The following PLS3 variants were observed in gnomAD, a reference collection of about 807,000 sequenced individuals.
PLS3 encodes the protein plastin 3.
A neutral mutation model predicts 46.5 loss-of-function variants in PLS3; 11 were observed. The observed-to-expected ratio is 0.24, with a 90% CI of 0.15 to 0.39. PLS3 has a LOEUF of 0.39. Ranked by LOEUF, PLS3 falls within the 10% of genes least tolerant of loss-of-function variation. The probability of loss-of-function intolerance (pLI) is 1.00; values close to 1 mark genes in which losing one functional copy is unlikely to be tolerated. For synonymous variants in PLS3, 167 were observed against 162.2 expected (o/e 1.03, Z -0.22); for missense variants, 308 against 461.8 (o/e 0.67, Z 3.05).
At position 115,645,009 on chromosome X, in the gene PLS3, T is replaced by G; in HGVS notation, c.1184-12T>G. 8.9e-7 allele frequency: 1 copy of G among 1,125,972 alleles called. No individual in the cohort carries two copies. Among genetic ancestry groups the G allele is most frequent in the Non-Finnish European group, 1.2e-6 (1 of 818,361 alleles). 92.8% of individuals were successfully genotyped at this position (1,125,972 alleles called of 1,213,427 possible). On this transcript the variant is annotated splice_polypyrimidine_tract_variant and intron_variant, in intron 10 of 15. Transcript: ENST00000355899. ...TTAATGAATCAGTAAATTTTGTGAATATTCTTAACAGGAGAAACTCGTGAA... is the reference window on the plus strand; with the variant it reads ...TTAATGAATCAGTAAATTTTGTGAAGATTCTTAACAGGAGAAACTCGTGAA...
At chrX:115,612,744 ACT>A (rs1556636275) in intron 2 of PLS3, among the ~76,000 whole-genome samples, 1 of 109,326 alleles carries the variant, frequency 9.1e-6, no homozygotes, top group Non-Finnish European at 1.9e-5. Flanking sequence ...GTGCTTTGAA[ACT>A]CTCTTTACTA....
At position 115,645,019 on chromosome X, in the gene PLS3, A is replaced by G; in HGVS notation, c.1184-2A>G. The G allele has an allele frequency of 8.6e-7, 1 of 1,162,356 alleles. No individual in the cohort carries two copies. The highest frequency in any genetic ancestry group is 1.2e-6 in the Non-Finnish European group (1 of 851,202). ...AGTAAATTTTGTGAATATTCTTAACAGGAGAAACTCGTGAAGAAAGAACCT... is the reference window on the plus strand; with the variant it reads ...AGTAAATTTTGTGAATATTCTTAACGGGAGAAACTCGTGAAGAAAGAACCT... On this transcript the variant is annotated splice_acceptor_variant, in intron 10 of 15. Coordinates refer to ENST00000355899, the MANE Select transcript of PLS3 (RefSeq NM_005032.7). LOFTEE classifies it high-confidence loss of function.
At chrX:115,633,230 G>A (rs1275349158) in intron 5 of PLS3, among the ~76,000 whole-genome samples, 1 of 109,205 alleles carries the variant, frequency 9.2e-6, no homozygotes, top group Non-Finnish European at 1.9e-5. Flanking sequence ...AAGTGCAGTG[G>A]CATGATCTCC....
intron 5 of PLS3, among the ~76,000 whole-genome samples, chrX:115,630,476 C>T (rs1402273765): frequency 1.8e-5 from 2 of 109,078 alleles, no homozygotes; most frequent in Admixed American, 2.1e-4. Context: ...AATCAGTCTG[C>T]CTGACTTCTT....
At chrX:115,595,770 C>G (rs373325253) in intron 1 of PLS3, among the ~76,000 whole-genome samples, 115 of 100,804 alleles carry the variant, frequency 1.1e-3, no homozygotes, top group African/African-American at 3.7e-3. Flanking sequence ...GCTCATGCAA[C>G]CTCCACCTCC....
At chrX:115,578,690 A>C (rs12841873) in intron 1 of PLS3, among the ~76,000 whole-genome samples, 2 of 95,726 alleles carry the variant, frequency 2.1e-5, no homozygotes, top group Non-Finnish European at 4.2e-5. Flanking sequence ...ACGCCACTGC[A>C]CAAAAAAAAA....
At chrX:115,630,600 G>A (rs1363785625) in intron 5 of PLS3, among the ~76,000 whole-genome samples, 2 of 105,644 alleles carry the variant, frequency 1.9e-5, no homozygotes, top group Non-Finnish European at 1.9e-5. Flanking sequence ...ATCTCACAGG[G>A]CTTTTGTGAG....
chrX:115,649,544 G>T lies in PLS3; in HGVS notation c.1876G>T (p.Gly626Ter). The change falls in exon 16 of 16, where the codon GGA becomes TGA. Residue 626 changes from glycine (G) to a stop codon, truncating the protein, a stop_gained. Transcript: ENST00000355899. LOFTEE classifies it high-confidence loss of function. ...MTVFACLMGR[G>*]MKRV ...TGTGTTTGCATGTTTGATGGGCAGG[G>T]GAATGAAGAGAGTGTAAAATAACCA... 1 of 1,207,132 alleles carries T rather than the reference G, an allele frequency of 8.3e-7. No homozygotes were observed. Among genetic ancestry groups the T allele is most frequent in the South Asian group, 1.8e-5 (1 of 56,119 alleles).
chrX:115,568,377 T>C (rs1603215872), intron 1 of PLS3, among the ~76,000 whole-genome samples: 1 of 112,429 alleles, frequency 8.9e-6, no homozygotes, highest in Non-Finnish European at 1.9e-5. Flanking sequence ...TATTTTTATG[T>C]TTATTTTATA....
At chrX:115,583,446 A>G (rs1452211877) in intron 1 of PLS3, among the ~76,000 whole-genome samples, 1 of 112,974 alleles carries the variant, frequency 8.9e-6, no homozygotes, top group Non-Finnish European at 1.9e-5. Context: ...AAAGTGAATA[A>G]TGGAATCTTA....
At chrX:115,595,896 C>A (rs1484531986) in intron 1 of PLS3, among the ~76,000 whole-genome samples, 1 of 109,276 alleles carries the variant, frequency 9.2e-6, no homozygotes, top group Non-Finnish European at 1.9e-5. Context: ...ACCATACTGG[C>A]CAGGCTGGTC....
chrX:115,586,514 CAAA>C (rs781961769), intron 1 of PLS3, among the ~76,000 whole-genome samples: 8 of 62,352 alleles, frequency 1.3e-4, no homozygotes, highest in African/African-American at 3.8e-4. Context: ...ACTAAAAATA[CAAA>C]AAAAAAAAAA....
At position 115,643,335 on chromosome X, in the gene PLS3, C is replaced by T. The variant is rs782245592; in HGVS notation, c.1010C>T (p.Ala337Val). ...GFNETDDLKR[A>V]ESMLQQADKL... is the part of the protein sequence containing the mutation. Reference sequence around the variant, plus strand: ...CAGGAAACAGATGATTTGAAGAGAGCTGAGAGTATGCTTCAACAAGCAGAT... The same window carrying T: ...CAGGAAACAGATGATTTGAAGAGAGTTGAGAGTATGCTTCAACAAGCAGAT... The change falls in exon 10 of 16, where the codon GCT (alanine) becomes GTT (valine). Residue 337 changes from alanine to valine, a missense_variant. Around this residue, in one of 2 missense-constraint regions of PLS3, gnomAD observed 271 missense variants for 435.7 expected, o/e 0.62. Coordinates refer to ENST00000355899, the MANE Select transcript of PLS3 (RefSeq NM_005032.7). 3 of 1,195,982 alleles carry T rather than the reference C, an allele frequency of 2.5e-6. No individual in the cohort carries two copies. The highest frequency in any genetic ancestry group is 3.4e-6 in the Non-Finnish European group (3 of 883,551).
intron 8 of PLS3, among the ~76,000 whole-genome samples, chrX:115,637,838 C>G (rs189626305): frequency 2.4e-4 from 27 of 112,093 alleles, no homozygotes; most frequent in African/African-American, 8.4e-4. Flanking sequence ...AGTGAGTTGC[C>G]TGTACTACTG....
chrX:115,606,588 G>A lies in PLS3; in HGVS notation c.-8-3655G>A, dbSNP rs782397633. Among the ~76,000 whole-genome samples the A allele has an allele frequency of 1.3e-4, 15 of 111,477 alleles. No homozygotes were observed. In the South Asian group the frequency reaches 3.4e-3, roughly 25 times the overall value. Reference sequence around the variant, plus strand: ...AAAGGACCTTTAGAGATAAAGGAGAGAGGCCACATGTTTTAGATTTCTGAG... The same window carrying A: ...AAAGGACCTTTAGAGATAAAGGAGAAAGGCCACATGTTTTAGATTTCTGAG... On this transcript the variant is annotated intron_variant, in intron 1 of 15. Transcript: ENST00000355899.
At chrX:115,569,555 T>C (rs1346714205) in intron 1 of PLS3, among the ~76,000 whole-genome samples, 1 of 112,130 alleles carries the variant, frequency 8.9e-6, no homozygotes, top group Non-Finnish European at 1.9e-5. Context: ...TAGTAAAAAT[T>C]CTGATGCTGT....
At chrX:115,585,455 A>G (rs1465574452) in intron 1 of PLS3, among the ~76,000 whole-genome samples, 2 of 110,903 alleles carry the variant, frequency 1.8e-5, no homozygotes, top group Admixed American at 9.7e-5. Context: ...CAGTGGTGCA[A>G]TCTCAGCTCA....
In PLS3 at chrX:115,603,739, C is replaced by G. The variant is rs782448548; in HGVS notation, c.-8-6504C>G. On this transcript the variant is annotated intron_variant, in intron 1 of 15. Coordinates refer to ENST00000355899, the MANE Select transcript of PLS3 (RefSeq NM_005032.7). ...GCACTGAGCTGAGATTGCACCACTG[C>G]CTGGGTGACAGAGTGTAACCCTGTC... Among the ~76,000 whole-genome samples, 3 of 110,798 alleles carry G rather than the reference C, an allele frequency of 2.7e-5. No individual in the cohort carries two copies. The South Asian group carries it at 1.2e-3, about 43-fold the overall frequency.
In PLS3 at chrX:115,628,262, T is replaced by C. The variant is rs782106040; in HGVS notation, c.238-936T>C. Among the ~76,000 whole-genome samples, 5 of 112,601 alleles carry C rather than the reference T, an allele frequency of 4.4e-5. No individual in the cohort carries two copies. In the South Asian group the frequency reaches 1.8e-3, roughly 41 times the overall value. ...CATCTTCCTGAGATGTGTGTGTGAA[T>C]ACATATCTGTCACGAATGTTAAAGG... On this transcript the variant is annotated intron_variant, in intron 3 of 15. Transcript: ENST00000355899.
Sources: allele counts gnomAD v4.1 joint callset (sites outside exome capture counted in the v4.1 genomes callset), GRCh38; gene constraint gnomAD v4.1.1; regional missense constraint gnomAD v4.1.1; transcripts MANE v1.5; gene names NCBI Gene and HGNC (gene_info 2026-07-23, HGNC 2026-07-21).